The following AKAP4 variants were observed in gnomAD, a reference collection of about 807,000 sequenced individuals.
AKAP4 encodes A-kinase anchor protein 4.
A neutral mutation model predicts 42.6 loss-of-function variants in AKAP4; 4 were observed. That is an observed-to-expected ratio of 0.09 (90% CI 0.05 to 0.22). The LOEUF is 0.22. Among genes scored for constraint, AKAP4 ranks in the 10% least tolerant of loss-of-function variants. The pLI is 1.00. For missense variants in AKAP4, 551 were observed against 630.7 expected (o/e 0.87, Z 1.35); for synonymous variants, 223 against 233.0 (o/e 0.96, Z 0.39).
Position 50,193,546 on chromosome X carries a change from G to T in AKAP4, c.1167C>A (p.Asn389Lys), listed in dbSNP as rs782682409. The T allele has an allele frequency of 1.7e-6, 2 of 1,210,107 alleles. No homozygotes were observed. The highest frequency in any genetic ancestry group is 5.9e-5 in the East Asian group (2 of 33,752). Residue 389 changes from asparagine (N) to lysine (K), a missense_variant, in exon 5 of 6, where the codon AAC becomes AAA. Physicochemically the swap from Asn to Lys is moderately conservative, Grantham distance 94. Transcript: ENST00000358526. Reference protein sequence around the residue: ...VSDLIDSCMKNLHNITGVLMT... With the variant: ...VSDLIDSCMKKLHNITGVLMT... ...TCAGGACCCCAGTAATATTATGCAG[G>T]TTCTTCATGCAAGAATCAATCAAAT...
intron 3 of AKAP4, 39 bp downstream of exon 3, chrX:50,197,505 G>C: frequency 8.8e-7 from 1 of 1,142,771 alleles, no homozygotes; most frequent in Non-Finnish European, 1.2e-6. Flanking sequence ...CTTCTCAGCA[G>C]CTTCCCACCG....
At chrX:50,197,423 C>T in intron 3 of AKAP4, 121 bp downstream of exon 3, 1 of 557,615 alleles carries the variant, frequency 1.8e-6, no homozygotes, top group African/African-American at 2.4e-5. Flanking sequence ...TGCTGGCTTT[C>T]CCCCTGAGTC....
rs782376800 is a variant in AKAP4, at chrX:50,196,989, C to A, written c.178G>T (p.Ala60Ser). Residue 60 changes from alanine to serine, a missense_variant, in exon 4 of 6, where the codon GCT becomes TCT. Coordinates refer to ENST00000358526, the MANE Select transcript of AKAP4 (RefSeq NM_003886.3). ...LNVEDKDYKD[A>S]ASSSSEGNLN... is the part of the protein sequence containing the mutation. ...TTGCCTTCTGAGCTGGAACTAGCAG[C>A]ATCCTATGGAATTAAAGGGTGAGAT... The A allele has an allele frequency of 2.7e-5, 32 of 1,186,502 alleles. No homozygotes were observed. Among genetic ancestry groups the A allele is most frequent in the Non-Finnish European group, 3.7e-5 (32 of 874,052 alleles).
chrX:50,197,697 G>A (rs1935209805), intron 2 of AKAP4, 103 bp from the exon 3 acceptor site: 9 of 698,815 alleles, frequency 1.3e-5, no homozygotes. Flanking sequence ...GGGTTCTTGT[G>A]AGGATTAACT....
chrX:50,200,145 G>T, intron 1 of AKAP4: 1 of 661,514 alleles, frequency 1.5e-6, no homozygotes, highest in Non-Finnish European at 1.8e-6. Flanking sequence ...AAGAGGTGGA[G>T]GCATAGAGTC....
chrX:50,193,966 A>G lies in AKAP4; in HGVS notation c.747T>C (p.His249=). The G allele has an allele frequency of 8.3e-7, 1 of 1,211,328 alleles. No homozygotes were observed. The highest frequency in any genetic ancestry group is 1.1e-6 in the Non-Finnish European group (1 of 895,325). Residue 249 remains histidine, a synonymous_variant, in exon 5 of 6, where the codon CAT becomes CAC. Transcript: ENST00000358526. ...KLEGKSKCLH[H]SICPSPGNKE... ...TGTTCCCAGGGGATGGACAGATTGA[A>G]TGATGAAGGCATTTGCTTTTACCTT...
In AKAP4 at chrX:50,192,881, G is replaced by A; in HGVS notation, c.1832C>T (p.Thr611Ile). ...CAGGTGTTGGTTCTCCTTTTGACAG[G>A]TGGATGGTCCAGGGGCTCTGTGAGA... is the stretch of plus-strand genomic sequence containing the variant. ...LESHRAPGPSTCQKENQHLDS... is the reference protein window; with the variant it reads ...LESHRAPGPSICQKENQHLDS... The change falls in exon 5 of 6, where the codon ACC becomes ATC. Residue 611 changes from threonine to isoleucine, a missense_variant. Transcript: ENST00000358526. The A allele has an allele frequency of 8.3e-7, 1 of 1,211,942 alleles. No homozygotes were observed. Among genetic ancestry groups the A allele is most frequent in the Non-Finnish European group, 1.1e-6 (1 of 895,504 alleles).
chrX:50,197,399 T>C lies in AKAP4; in HGVS notation c.174+145A>G, dbSNP rs534636394. 1.3e-4 allele frequency: 62 copies of C among 478,056 alleles called. 1 individual carries two copies. The South Asian group carries it at 2.8e-3, about 22-fold the overall frequency. The allele number at this position is 478,056 out of a possible 1,213,427, so 39.4% of individuals were successfully genotyped here. A position where few individuals can be genotyped will look rare whatever the true frequency, so the allele number is the denominator to read the frequency against. On this transcript the variant is annotated intron_variant, in intron 3 of 5. Transcript: ENST00000358526. ...ACGGTAAATTCAGAACCAGGGATCTTGGGCTCATGAGAATGCTGGCTTTCC... is the reference window on the plus strand; with the variant it reads ...ACGGTAAATTCAGAACCAGGGATCTCGGGCTCATGAGAATGCTGGCTTTCC...
At position 50,191,179 on chromosome X, in the gene AKAP4, G is replaced by A. The variant is rs184158778; in HGVS notation, c.2410-64C>T. ...TTTTTGGAGGAAAGACCTGCTGGAC[G>A]AAGTTCTACCACCCAACCCCCTCAA... On this transcript the variant is annotated intron_variant, in intron 5 of 5. Transcript: ENST00000358526. The A allele has an allele frequency of 5.0e-4, 578 of 1,155,608 alleles. 2 individuals are homozygous for A. The African/African-American group carries it at 6.6e-3, about 13-fold the overall frequency.
Position 50,198,832 on chromosome X carries a change from GA to G in AKAP4, c.28-81del, listed in dbSNP as rs1935224611. 4 of 752,603 alleles carry G rather than the reference GA, an allele frequency of 5.3e-6. No individual in the cohort carries two copies. In the Admixed American group the frequency reaches 1.1e-4, roughly 21 times the overall value. The allele number at this position is 752,603 out of a possible 1,213,427, so 62.0% of individuals were successfully genotyped here. A position where few individuals can be genotyped will look rare whatever the true frequency, so the allele number is the denominator to read the frequency against. On this transcript the variant is annotated intron_variant, in intron 1 of 5. Coordinates refer to ENST00000358526, the MANE Select transcript of AKAP4 (RefSeq NM_003886.3). ...GGGTCAATTTGGATAAGAATCTCTG[GA>G]GGGGTTCTGAAATCCATTTCTGTGT...
chrX:50,194,690 A>G (rs1382646655), intron 4 of AKAP4, among the ~76,000 whole-genome samples: 10 of 110,267 alleles, frequency 9.1e-5, no homozygotes, highest in Admixed American at 2.0e-4. Context: ...TTGTATCTCA[A>G]TGTGTCAAAA....
Position 50,196,898 on chromosome X carries a change from T to G in AKAP4, c.269A>C (p.Gln90Pro). The change falls in exon 4 of 6, where the codon CAG becomes CCG. Residue 90 changes from glutamine to proline, a missense_variant. By Grantham distance (76) the Gln-to-Pro change is moderately conservative. Coordinates refer to ENST00000358526, the MANE Select transcript of AKAP4 (RefSeq NM_003886.3). The part of the protein sequence containing the change: ...IVIKDTEKKD[Q>P]SKTEGSVCLF... ...CTCAGAGGTTAAGTGTACCTTAGAC[T>G]GGTCTTTCTTCTCAGTGTCCTTGAT... 1 of 1,198,139 alleles carries G rather than the reference T, an allele frequency of 8.3e-7. No individual in the cohort carries two copies. The highest frequency in any genetic ancestry group is 3.0e-5 in the East Asian group (1 of 33,780).
intron 4 of AKAP4, among the ~76,000 whole-genome samples, chrX:50,195,421 A>T (rs1935177995): frequency 8.9e-6 from 1 of 112,152 alleles, no homozygotes; most frequent in Admixed American, 9.4e-5. Context: ...GTTTGTGTGT[A>T]TGTCAGCATG....
At position 50,193,968 on chromosome X, in the gene AKAP4, G is replaced by T; in HGVS notation, c.745C>A (p.His249Asn). Residue 249 changes from histidine (H) to asparagine (N), a missense_variant, in exon 5 of 6, where the codon CAT becomes AAT. Transcript: ENST00000358526. ...TTCCCAGGGGATGGACAGATTGAAT[G>T]ATGAAGGCATTTGCTTTTACCTTCC... Reference protein sequence around the residue: ...KLEGKSKCLHHSICPSPGNKE... With the variant: ...KLEGKSKCLHNSICPSPGNKE... The T allele has an allele frequency of 3.3e-6, 4 of 1,211,219 alleles. No homozygotes were observed. In the South Asian group the frequency reaches 7.0e-5, roughly 21 times the overall value.
intron 2 of AKAP4, 28 bp downstream of exon 2, chrX:50,198,629 C>T: frequency 8.7e-7 from 1 of 1,151,806 alleles, no homozygotes; most frequent in Non-Finnish European, 1.2e-6. Flanking sequence ...TTTTCCTACT[C>T]CTCGGCATGA....
intron 5 of AKAP4, 81 bp downstream of exon 5, chrX:50,192,223 G>T: frequency 2.3e-6 from 2 of 855,869 alleles, no homozygotes; most frequent in Non-Finnish European, 1.6e-6. Flanking sequence ...AAACTCGAAT[G>T]ATCTTGGGCT....
rs148654052 is a variant in AKAP4, at chrX:50,193,117, C to T, written c.1596G>A (p.Lys532=). The T allele has an allele frequency of 5.0e-3, 6,086 of 1,210,178 alleles. 45 individuals are homozygous for T. Among genetic ancestry groups the T allele is most frequent in the East Asian group, 0.047 (1,595 of 33,750 alleles). Residue 532 remains lysine (K), a synonymous_variant, in exon 5 of 6, where the codon AAG becomes AAA. Coordinates refer to ENST00000358526, the MANE Select transcript of AKAP4 (RefSeq NM_003886.3). ...ACSNKDEKGE[K]INASTDSLAK... is the part of the protein sequence containing the mutation. ...CCAGTGAATCTGTGGAAGCATTGAT[C>T]TTTTCTCCTTTCTCATCTTTATTGC...
intron 4 of AKAP4, among the ~76,000 whole-genome samples, chrX:50,195,399 C>T (rs73493774): frequency 0.012 from 1,378 of 111,706 alleles, 14 homozygotes; most frequent in African/African-American, 0.043. Flanking sequence ...AAATATGTGT[C>T]GCTTAGTGTA....
rs141513690 is a variant in AKAP4, at chrX:50,193,826, C to T, written c.887G>A (p.Gly296Asp). 6,979 of 1,210,008 alleles carry T rather than the reference C, an allele frequency of 5.8e-3. 19 individuals carry two copies. The highest frequency in any genetic ancestry group is 6.6e-3 in the Non-Finnish European group (5,902 of 895,244). The change falls in exon 5 of 6, where the codon GGT becomes GAT. Residue 296 changes from glycine (G) to aspartate (D), a missense_variant. Gly to Asp is a moderately conservative substitution (Grantham distance 94). Coordinates refer to ENST00000358526, the MANE Select transcript of AKAP4 (RefSeq NM_003886.3). ...GCTATATAGAAAGCTTTTCTGGCCA[C>T]CTTCCCTGGACTCCTCTCCAGTGCC... ...MRGTGEESRE[G>D]GQKSFLYSEL...
Sources: gnomAD v4.1 joint callset for allele counts (sites outside exome capture counted in the v4.1 genomes callset) on GRCh38, gnomAD v4.1.1 for gene constraint, MANE v1.5 for transcripts, NCBI Gene and HGNC (gene_info 2026-07-23, HGNC 2026-07-21) for gene names.